Variants in PLD1 observed in about 807,000 individuals in gnomAD.
PLD1 encodes the protein phospholipase D1, also known as choline phosphatase 1.
A neutral mutation model predicts 137.1 loss-of-function variants in PLD1; 112 were observed. That is an observed-to-expected ratio of 0.82 (90% CI 0.70 to 0.96). The LOEUF (loss-of-function observed/expected upper bound fraction) is 0.96, where lower values mean the gene tolerates loss of function less well. PLD1 is among the 40% of genes least tolerant of loss of function. PLD1 has a pLI of 0.00. For synonymous variants in PLD1, 431 were observed against 454.7 expected, an observed-to-expected ratio of 0.95 and a Z score of 0.66; for missense variants, 1,321 against 1,342.0, an observed-to-expected ratio of 0.98 and a Z score of 0.24.
chr3:171,643,177 T>G lies in PLD1; in HGVS notation c.2544-288A>C, dbSNP rs550883609. 7 of 292,266 alleles carry G rather than the reference T, an allele frequency of 2.4e-5. No individual in the cohort carries two copies. In the South Asian group the frequency reaches 4.0e-4, roughly 17 times the overall value. 18.1% of individuals were successfully genotyped at this position (292,266 alleles called of 1,614,324 possible). On this transcript the variant is annotated intron_variant, in intron 22 of 26. Transcript: ENST00000351298. ...AAAAAAGAAGGGTCATGAATGAACTTTCCCTCTTACAAAACTGGGTAACAG... is the reference window on the plus strand; with the variant it reads ...AAAAAAGAAGGGTCATGAATGAACTGTCCCTCTTACAAAACTGGGTAACAG...
chr3:171,662,760 A>G (rs946388140), intron 19 of PLD1, among the ~76,000 whole-genome samples: 2 of 152,236 alleles, frequency 1.3e-5, no homozygotes, highest in Non-Finnish European at 2.9e-5. Flanking sequence ...TCTTCATTCT[A>G]CCTTTAATAG....
At chr3:171,773,894 G>A (rs1356260556) in intron 1 of PLD1, among the ~76,000 whole-genome samples, 1 of 151,794 alleles carries the variant, frequency 6.6e-6, no homozygotes, top group Admixed American at 6.5e-5. Flanking sequence ...GACTACAGGC[G>A]CCCGCCACCG....
chr3:171,694,446 T>C (rs1028775418), intron 12 of PLD1, among the ~76,000 whole-genome samples: 1 of 152,104 alleles, frequency 6.6e-6, no homozygotes, highest in Admixed American at 6.6e-5. Flanking sequence ...AATTAACCAC[T>C]GATGAAGGGC....
At chr3:171,643,024 A>T (rs1334341359) in intron 22 of PLD1, 135 bp from the exon 23 acceptor site, 1 of 599,528 alleles carries the variant, frequency 1.7e-6, no homozygotes, top group African/African-American at 2.0e-5. Context: ...ATATATATCT[A>T]AATGCTAAAA....
chr3:171,787,261 G>A (rs1302940332), intron 1 of PLD1, among the ~76,000 whole-genome samples: 1 of 152,170 alleles, frequency 6.6e-6, no homozygotes, highest in Non-Finnish European at 1.5e-5. Context: ...TACCGAGTCT[G>A]TATGGTACAT....
intron 1 of PLD1, among the ~76,000 whole-genome samples, chr3:171,772,231 T>C (rs1484640272): frequency 2.0e-5 from 3 of 152,232 alleles, no homozygotes. Flanking sequence ...TCTAATGGCT[T>C]GTTGCCATGA....
intron 15 of PLD1, among the ~76,000 whole-genome samples, chr3:171,687,077 C>A (rs1038739566): frequency 3.3e-5 from 5 of 152,130 alleles, no homozygotes; most frequent in African/African-American, 1.2e-4. Flanking sequence ...CATCTAATAC[C>A]TTTTTCTTTT....
chr3:171,699,742 T>C lies in PLD1; in HGVS notation c.1227+3A>G, dbSNP rs1560229866. ...TATCAGCATTTTCTGGGAAAGTACA[T>C]ACTGCTTTTCGTTTAAGAATGCAGT... On this transcript the variant is annotated splice_donor_region_variant and intron_variant, in intron 12 of 26. Transcript: ENST00000351298. 4 of 1,602,702 alleles carry C rather than the reference T, an allele frequency of 2.5e-6. No homozygotes were observed. The highest frequency in any genetic ancestry group is 2.2e-5 in the East Asian group (1 of 44,816).
chr3:171,757,057 T>C (rs1484191392), intron 1 of PLD1, among the ~76,000 whole-genome samples: 2 of 152,174 alleles, frequency 1.3e-5, no homozygotes, highest in Non-Finnish European at 2.9e-5. Flanking sequence ...GCAAAAACCA[T>C]TTTTACATTT....
intron 13 of PLD1, among the ~76,000 whole-genome samples, chr3:171,689,954 T>C (rs1357396907): frequency 1.3e-5 from 2 of 152,210 alleles, no homozygotes; most frequent in Non-Finnish European, 2.9e-5. Flanking sequence ...TTGAAAAAGA[T>C]TGAGAAAGAT....
intron 8 of PLD1, among the ~76,000 whole-genome samples, chr3:171,716,870 T>G (rs1222333215): frequency 6.6e-6 from 1 of 152,082 alleles, no homozygotes; most frequent in East Asian, 1.9e-4. Flanking sequence ...GTTTTTATAG[T>G]TTTAGGTTTT....
chr3:171,692,390 A>C lies in PLD1; in HGVS notation c.1280T>G (p.Leu427Arg), dbSNP rs1715264510. 1.2e-6 allele frequency: 2 copies of C among 1,607,546 alleles called. No homozygotes were observed. The highest frequency in any genetic ancestry group is 1.7e-5 in the Admixed American group (1 of 60,000). Reference sequence around the variant, plus strand: ...CTTGGTGTATTCACTATTGATGCCAAGAGCGAGTTCCACCTCTTTGTAGAG... The same window carrying C: ...CTTGGTGTATTCACTATTGATGCCACGAGCGAGTTCCACCTCTTTGTAGAG... Reference protein sequence around the residue: ...IMLYKEVELALGINSEYTKRT... With the variant: ...IMLYKEVELARGINSEYTKRT... Residue 427 changes from leucine to arginine, a missense_variant, in exon 13 of 27, where the codon CTT becomes CGT. Physicochemically the swap from Leu to Arg is moderately radical, Grantham distance 102. Transcript: ENST00000351298.
intron 23 of PLD1, among the ~76,000 whole-genome samples, chr3:171,629,829 G>A (rs1174141217): frequency 6.6e-6 from 1 of 152,164 alleles, no homozygotes; most frequent in Non-Finnish European, 1.5e-5. Flanking sequence ...GCTGAAACTG[G>A]ATCCCTTCTT....
In PLD1 at chr3:171,676,811, C is replaced by T. The variant is rs578216440; in HGVS notation, c.2019G>A (p.Thr673=). 2.3e-5 allele frequency: 37 copies of T among 1,613,890 alleles called. No individual in the cohort carries two copies. The East Asian group carries it at 4.0e-4, about 17-fold the overall frequency. ...CAATGTCATGCCAGGGCATCCGGGG[C>T]GTGGAGTACCTGTCAATGAAATCTG... ...PFADFIDRYS[T]PRMPWHDIAS... The change falls in exon 18 of 27, where the codon ACG becomes ACA. Residue 673 remains threonine, a synonymous_variant. Transcript: ENST00000351298.
At chr3:171,724,813 A>G in intron 7 of PLD1, 25 bp from the exon 8 acceptor site, 8 of 1,432,348 alleles carry the variant, frequency 5.6e-6, no homozygotes, top group Non-Finnish European at 7.8e-6. Flanking sequence ...AAATTAACCC[A>G]TCACCTTCAA....
At chr3:171,697,196 C>T (rs1446935056) in intron 12 of PLD1, among the ~76,000 whole-genome samples, 1 of 148,858 alleles carries the variant, frequency 6.7e-6, no homozygotes, top group East Asian at 2.0e-4. Context: ...TGAATCAGCT[C>T]TTCCCAGTTT....
intron 9 of PLD1, among the ~76,000 whole-genome samples, chr3:171,711,267 T>G (rs1443362439): frequency 1.4e-5 from 2 of 145,478 alleles, no homozygotes. Context: ...GCCTCCTGGG[T>G]TCAAGCGATT....
chr3:171,737,456 G>T, intron 3 of PLD1, 76 bp downstream of exon 3: 1 of 1,225,170 alleles, frequency 8.2e-7, no homozygotes, highest in Non-Finnish European at 1.1e-6. Flanking sequence ...AGCTAAGAGG[G>T]AGGAAAATGA....
intron 13 of PLD1, among the ~76,000 whole-genome samples, chr3:171,689,450 A>G (rs1714923213): frequency 6.6e-6 from 1 of 152,054 alleles, no homozygotes; most frequent in Non-Finnish European, 1.5e-5. Context: ...AAAGATTACA[A>G]AAGCTTTGGC....
Sources: allele counts gnomAD v4.1 joint callset (sites outside exome capture counted in the v4.1 genomes callset), GRCh38; gene constraint gnomAD v4.1.1; transcripts MANE v1.5; gene names NCBI Gene and HGNC (gene_info 2026-07-23, HGNC 2026-07-21).